Variants in TBL1X observed in about 807,000 individuals in gnomAD.
TBL1X encodes the protein transducin beta like 1 X-linked, also known as F-box-like/WD repeat-containing protein TBL1X.
TBL1X carries 10 observed loss-of-function variants against 50.7 expected under a neutral mutation model. The ratio of observed to expected loss-of-function variants is 0.20; its 90% CI spans 0.12 to 0.33. The LOEUF (loss-of-function observed/expected upper bound fraction) is 0.33, where lower values mean the gene tolerates loss of function less well. Ranked by LOEUF, TBL1X falls within the 10% of genes least tolerant of loss-of-function variation. The pLI is 1.00. For missense variants in TBL1X, 340 were observed against 504.4 expected, an observed-to-expected ratio of 0.67 and a Z score of 3.12; for synonymous variants, 190 against 214.7, an observed-to-expected ratio of 0.88 and a Z score of 1.01.
chrX:9,682,471 T>A (rs1352454695), intron 5 of TBL1X, among the ~76,000 whole-genome samples: 1 of 112,279 alleles, frequency 8.9e-6, no homozygotes. Context: ...ACATTTGATA[T>A]GTTCTTTACA....
intron 2 of TBL1X, among the ~76,000 whole-genome samples, chrX:9,602,977 G>T (rs894822123): frequency 8.9e-6 from 1 of 112,466 alleles, no homozygotes; most frequent in Non-Finnish European, 1.9e-5. Flanking sequence ...ATAAATCATT[G>T]AATGATACAT....
intron 2 of TBL1X, among the ~76,000 whole-genome samples, chrX:9,580,168 G>T (rs1334864119): frequency 9.0e-6 from 1 of 111,553 alleles, no homozygotes; most frequent in Non-Finnish European, 1.9e-5. Context: ...TTTTATATGT[G>T]AACCCCCAAA....
chrX:9,716,262 GA>G lies in TBL1X; in HGVS notation c.*22del, dbSNP rs1331039164. 2 of 1,203,368 alleles carry G rather than the reference GA, an allele frequency of 1.7e-6. No homozygotes were observed. Among genetic ancestry groups the G allele is most frequent in the East Asian group, 5.9e-5 (2 of 33,650 alleles). ...GCGGAAGTAACCACAAAATATTATC[GA>G]AAAAAGAAAAGAATTCTAATGACCA... is the stretch of plus-strand genomic sequence containing the variant. On this transcript the variant is annotated 3_prime_UTR_variant, in exon 18 of 18. Coordinates refer to ENST00000645353, the MANE Select transcript of TBL1X (RefSeq NM_005647.4).
chrX:9,633,829 G>A (rs760425695), intron 2 of TBL1X, among the ~76,000 whole-genome samples: 3 of 111,714 alleles, frequency 2.7e-5, no homozygotes, highest in East Asian at 2.8e-4. Context: ...TAGAGAAACC[G>A]GGGAGAGTCA....
chrX:9,675,363 C>G (rs2082987132), intron 5 of TBL1X, among the ~76,000 whole-genome samples: 1 of 111,781 alleles, frequency 8.9e-6, no homozygotes, highest in African/African-American at 3.3e-5. Flanking sequence ...CACATTAACA[C>G]CAGCTGAGAC....
chrX:9,474,736 G>A (rs1033762401), intron 1 of TBL1X, among the ~76,000 whole-genome samples: 5 of 112,782 alleles, frequency 4.4e-5, no homozygotes, highest in South Asian at 7.2e-4. Context: ...TTTCATTGAC[G>A]GATGCCCTCA....
At chrX:9,507,459 A>G (rs1025400897) in intron 2 of TBL1X, among the ~76,000 whole-genome samples, 13 of 112,204 alleles carry the variant, frequency 1.2e-4, no homozygotes, top group African/African-American at 4.2e-4. Context: ...AACAAATGGA[A>G]AAACATTCCA....
intron 2 of TBL1X, among the ~76,000 whole-genome samples, chrX:9,566,586 G>A (rs1410926751): frequency 8.9e-6 from 1 of 112,210 alleles, no homozygotes; most frequent in Admixed American, 9.4e-5. Flanking sequence ...GGAAACTGCA[G>A]CTTCTCTGTC....
intron 2 of TBL1X, among the ~76,000 whole-genome samples, chrX:9,571,623 T>C (rs1238384436): frequency 8.9e-6 from 1 of 112,179 alleles, no homozygotes; most frequent in Admixed American, 9.4e-5. Context: ...CTGTACAGTT[T>C]AGTGGCATTA....
At chrX:9,580,199 A>G (rs1017311192) in intron 2 of TBL1X, among the ~76,000 whole-genome samples, 1 of 111,615 alleles carries the variant, frequency 9.0e-6, no homozygotes, top group African/African-American at 3.3e-5. Flanking sequence ...GGTCTCAATC[A>G]ATTTAGGAAG....
intron 5 of TBL1X, among the ~76,000 whole-genome samples, chrX:9,666,812 C>T (rs1487312380): frequency 9.0e-6 from 1 of 111,582 alleles, no homozygotes; most frequent in African/African-American, 3.3e-5. Context: ...GATATTACAC[C>T]ACAAATTAAA....
chrX:9,482,524 T>C (rs2081888799), intron 1 of TBL1X, among the ~76,000 whole-genome samples: 1 of 112,116 alleles, frequency 8.9e-6, no homozygotes, highest in Non-Finnish European at 1.9e-5. Flanking sequence ...TAACAACATA[T>C]AGTCTACTGT....
chrX:9,562,406 C>T (rs2082328884), intron 2 of TBL1X, among the ~76,000 whole-genome samples: 1 of 111,945 alleles, frequency 8.9e-6, no homozygotes, highest in South Asian at 3.7e-4. Context: ...GTTAAAATTT[C>T]CTGTGGGCTT....
intron 2 of TBL1X, among the ~76,000 whole-genome samples, chrX:9,601,494 G>A (rs528366367): frequency 2.7e-5 from 3 of 111,587 alleles, no homozygotes; most frequent in East Asian, 2.8e-4. Context: ...CTCTTTACTC[G>A]TCCAGAAGCA....
intron 2 of TBL1X, among the ~76,000 whole-genome samples, chrX:9,564,808 G>T (rs191203505): frequency 1.8e-5 from 2 of 110,396 alleles, no homozygotes; most frequent in Admixed American, 9.7e-5. Context: ...GTGGGTGGGT[G>T]TTGCGGGAGG....
chrX:9,677,868 A>T (rs2083003897), intron 5 of TBL1X, among the ~76,000 whole-genome samples: 1 of 112,098 alleles, frequency 8.9e-6, no homozygotes, highest in Non-Finnish European at 1.9e-5. Flanking sequence ...GACCTTGTAG[A>T]TCATTGAATT....
intron 2 of TBL1X, among the ~76,000 whole-genome samples, chrX:9,582,397 C>T: frequency 8.9e-6 from 1 of 112,248 alleles, no homozygotes. Context: ...GATTCTAGTA[C>T]TTACAGTTCT....
intron 2 of TBL1X, among the ~76,000 whole-genome samples, chrX:9,600,442 T>G (rs2082549451): frequency 3.0e-5 from 2 of 66,767 alleles, no homozygotes; most frequent in South Asian, 2.6e-3. Flanking sequence ...TATTGTAGGT[T>G]AGGTTTCAAC....
At chrX:9,509,053 C>T (rs998493339) in intron 2 of TBL1X, among the ~76,000 whole-genome samples, 1 of 104,061 alleles carries the variant, frequency 9.6e-6, no homozygotes, top group South Asian at 4.6e-4. Flanking sequence ...CTAACCTGCA[C>T]GTTCTGCGCA....
Sources: gnomAD v4.1 joint callset for allele counts (sites outside exome capture counted in the v4.1 genomes callset) on GRCh38, gnomAD v4.1.1 for gene constraint, MANE v1.5 for transcripts, NCBI Gene and HGNC (gene_info 2026-07-23, HGNC 2026-07-21) for gene names.